DPYD: variants seen among roughly 807,000 people sequenced by gnomAD.
DPYD encodes the protein dihydropyrimidine dehydrogenase, also known as dihydropyrimidine dehydrogenase [NADP(+)].
DPYD carries 109 observed loss-of-function variants against 116.2 expected under a neutral mutation model. The observed-to-expected ratio is 0.94, with a 90% CI of 0.80 to 1.10. DPYD has a LOEUF of 1.10. Ranked by LOEUF, DPYD falls within the 50% of genes least tolerant of loss-of-function variation. DPYD has a pLI of 0.00. For synonymous variants in DPYD, 440 were observed against 432.0 expected, an observed-to-expected ratio of 1.02 and a Z score of -0.23; for missense variants, 1,302 against 1,254.5, an observed-to-expected ratio of 1.04 and a Z score of -0.57.
At chr1:97,416,516 G>C (rs967461986) in intron 14 of DPYD, among the ~76,000 whole-genome samples, 4 of 152,096 alleles carry the variant, frequency 2.6e-5, no homozygotes, top group African/African-American at 9.7e-5. Flanking sequence ...TAGTTCCAAG[G>C]TATACAGTGA....
intron 8 of DPYD, among the ~76,000 whole-genome samples, chr1:97,678,483 C>T (rs537979538): frequency 6.6e-6 from 1 of 152,192 alleles, no homozygotes; most frequent in South Asian, 2.1e-4. Context: ...TAAGTCAAGC[C>T]AACTTACTTG....
intron 3 of DPYD, among the ~76,000 whole-genome samples, chr1:97,775,920 T>C (rs1666378932): frequency 6.6e-6 from 1 of 152,190 alleles, no homozygotes; most frequent in Non-Finnish European, 1.5e-5. Flanking sequence ...TAATTTTCTA[T>C]GATGTGTTTC....
intron 18 of DPYD, among the ~76,000 whole-genome samples, chr1:97,299,622 T>G (rs1428282671): frequency 6.6e-6 from 1 of 152,134 alleles, no homozygotes; most frequent in Non-Finnish European, 1.5e-5. Flanking sequence ...TGTAAGCATC[T>G]ATGAATATGG....
chr1:97,309,331 T>TTGTGTG (rs59669909), intron 16 of DPYD, among the ~76,000 whole-genome samples: 5,119 of 147,616 alleles, frequency 0.035, 138 homozygotes, highest in East Asian at 0.13. Context: ...GTTGCTTGTC[T>TTGTGTG]TGTGTGTGTG....
intron 13 of DPYD, among the ~76,000 whole-genome samples, chr1:97,484,550 TC>T (rs1557744279): frequency 6.6e-6 from 1 of 152,140 alleles, no homozygotes; most frequent in African/African-American, 2.4e-5. Flanking sequence ...TCTGGGGACA[TC>T]TTCTCATTTT....
chr1:97,160,492 A>G (rs1655809749), intron 20 of DPYD, among the ~76,000 whole-genome samples: 1 of 152,084 alleles, frequency 6.6e-6, no homozygotes, highest in South Asian at 2.1e-4. Context: ...GTCCAGCAGA[A>G]TTTTGAAGGC....
At position 97,466,042 on chromosome 1, in the gene DPYD, A is replaced by C. The variant is rs573625600; in HGVS notation, c.1741-15819T>G. Among the ~76,000 whole-genome samples, 13 of 152,332 alleles carry C rather than the reference A, an allele frequency of 8.5e-5. No homozygotes were observed. In the East Asian group the frequency reaches 2.5e-3, roughly 29 times the overall value. Reference sequence around the variant, plus strand: ...CTTGAGCCTGGGAGGAAGAGGCCGCAGTAAGCTATGATTGCACCACTGCAC... The same window carrying C: ...CTTGAGCCTGGGAGGAAGAGGCCGCCGTAAGCTATGATTGCACCACTGCAC... On this transcript the variant is annotated intron_variant, in intron 13 of 22. Transcript: ENST00000370192.
At chr1:97,692,428 A>G (rs1384744714) in intron 6 of DPYD, among the ~76,000 whole-genome samples, 3 of 152,184 alleles carry the variant, frequency 2.0e-5, no homozygotes, top group African/African-American at 4.8e-5. Flanking sequence ...CTGCATTTAA[A>G]AAAAAAATGA....
chr1:97,277,193 C>T (rs1664985559), intron 18 of DPYD, among the ~76,000 whole-genome samples: 1 of 151,948 alleles, frequency 6.6e-6, no homozygotes, highest in Non-Finnish European at 1.5e-5. Flanking sequence ...ACAACAGACA[C>T]TTGGGACTAC....
At chr1:97,769,824 G>A (rs1666052757) in intron 3 of DPYD, among the ~76,000 whole-genome samples, 1 of 152,122 alleles carries the variant, frequency 6.6e-6, no homozygotes, top group South Asian at 2.1e-4. Flanking sequence ...CACTTCGGAA[G>A]TACCATTTAG....
At chr1:97,175,138 A>C (rs1570605627) in intron 20 of DPYD, among the ~76,000 whole-genome samples, 1 of 152,310 alleles carries the variant, frequency 6.6e-6, no homozygotes, top group East Asian at 1.9e-4. Context: ...TAGTTGTACC[A>C]TTTTATATAC....
Position 97,419,756 on chromosome 1 carries a change from A to C in DPYD, c.1905+30303T>G, listed in dbSNP as rs150194603. ...CCACAGTAAACATGGGTTTATACCT[A>C]TGTTGGCAATTTTATCCACTGAGTG... On this transcript the variant is annotated intron_variant, in intron 14 of 22. Transcript: ENST00000370192. 2.0e-5 allele frequency among the ~76,000 whole-genome samples: 3 copies of C among 152,196 alleles called. No homozygotes were observed. The East Asian group carries it at 5.8e-4, about 29-fold the overall frequency.
chr1:97,767,397 G>A, intron 3 of DPYD, among the ~76,000 whole-genome samples: 1 of 152,124 alleles, frequency 6.6e-6, no homozygotes, highest in East Asian at 1.9e-4. Flanking sequence ...CCTACTCTGT[G>A]AATTTAAACT....
chr1:97,449,200 T>C (rs1320354701), intron 14 of DPYD, among the ~76,000 whole-genome samples: 2 of 152,172 alleles, frequency 1.3e-5, no homozygotes, highest in Non-Finnish European at 2.9e-5. Flanking sequence ...TGTTGTCTTT[T>C]GTCTTTGAAA....
At chr1:97,306,332 T>G in intron 16 of DPYD, 35 bp from the exon 17 acceptor site, 1 of 1,611,146 alleles carries the variant, frequency 6.2e-7, no homozygotes, top group Non-Finnish European at 8.5e-7. Flanking sequence ...TAGAACAAAA[T>G]TAAAGAATTG....
intron 18 of DPYD, chr1:97,295,811 T>C (rs1056305073): frequency 2.1e-6 from 2 of 955,052 alleles, no homozygotes; most frequent in African/African-American, 3.5e-5. Flanking sequence ...AGGTATTGCT[T>C]AGTTGTCATA....
intron 8 of DPYD, among the ~76,000 whole-genome samples, chr1:97,637,209 A>C (rs1206290254): frequency 1.3e-5 from 2 of 152,022 alleles, no homozygotes; most frequent in Non-Finnish European, 2.9e-5. Context: ...AAAACCACAC[A>C]CACCTCATAA....
intron 13 of DPYD, among the ~76,000 whole-genome samples, chr1:97,470,058 G>T (rs1677554171): frequency 6.6e-6 from 1 of 152,170 alleles, no homozygotes; most frequent in South Asian, 2.1e-4. Context: ...GAGGAATTAG[G>T]AGGTGCTCCA....
intron 19 of DPYD, among the ~76,000 whole-genome samples, chr1:97,214,679 AT>A (rs777674521): frequency 1.3e-5 from 2 of 152,118 alleles, no homozygotes; most frequent in East Asian, 3.9e-4. Flanking sequence ...GGAATAGAAG[AT>A]ACATTTCCTC....
Sources: gnomAD v4.1 joint callset for allele counts (sites outside exome capture counted in the v4.1 genomes callset) on GRCh38, gnomAD v4.1.1 for gene constraint, MANE v1.5 for transcripts, NCBI Gene and HGNC (gene_info 2026-07-23, HGNC 2026-07-21) for gene names.